Variants in BCL2L11 observed in about 807,000 individuals in gnomAD.
The protein encoded by BCL2L11 is bcl-2-like protein 11.
Under a neutral mutation model 20.6 loss-of-function variants are expected in BCL2L11, and 15 were observed. The ratio of observed to expected loss-of-function variants is 0.73; its 90% confidence interval spans 0.49 to 1.12. The LOEUF (loss-of-function observed/expected upper bound fraction) is 1.12. Among genes scored for constraint, BCL2L11 ranks in the 50% most tolerant of loss-of-function variants. BCL2L11 has a pLI of 0.00. For missense variants in BCL2L11, 292 were observed against 260.9 expected (o/e 1.12, Z -0.82); for synonymous variants, 108 against 92.8 (o/e 1.16, Z -0.94).
intron 3 of BCL2L11, chr2:111,161,612 T>C (rs2078558771): frequency 4.7e-6 from 7 of 1,485,918 alleles, no homozygotes; most frequent in Non-Finnish European, 6.3e-6. Context: ...AAATGACAGC[T>C]CCTGGCTCAG....
chr2:111,125,846 C>T (rs1446231198), intron 2 of BCL2L11, among the ~76,000 whole-genome samples: 3 of 152,168 alleles, frequency 2.0e-5, no homozygotes, highest in African/African-American at 7.2e-5. Flanking sequence ...CTCGTGAACT[C>T]ATTTCAGCCT....
At chr2:111,133,386 ACTG>A (rs1484344603) in intron 2 of BCL2L11, among the ~76,000 whole-genome samples, 2 of 151,922 alleles carry the variant, frequency 1.3e-5, no homozygotes, top group East Asian at 3.9e-4. Flanking sequence ...CCTTTCCACC[ACTG>A]CTTAGCTGCA....
chr2:111,146,112 A>G (rs551024779), intron 2 of BCL2L11: 2 of 985,266 alleles, frequency 2.0e-6, no homozygotes, highest in South Asian at 4.7e-5. Context: ...TGCCAGGTTT[A>G]TGGAGTGAAG....
At chr2:111,130,739 G>T (rs1458376985) in intron 2 of BCL2L11, among the ~76,000 whole-genome samples, 1 of 152,140 alleles carries the variant, frequency 6.6e-6, no homozygotes, top group Non-Finnish European at 1.5e-5. Context: ...GCTAAGTGTA[G>T]GTTTTATATG....
intron 3 of BCL2L11, among the ~76,000 whole-genome samples, chr2:111,155,158 G>A (rs754417949): frequency 1.3e-5 from 2 of 152,220 alleles, no homozygotes; most frequent in Non-Finnish European, 2.9e-5. Flanking sequence ...TAGTAGGCAT[G>A]GAGGGAAGAG....
intron 3 of BCL2L11, among the ~76,000 whole-genome samples, chr2:111,159,366 G>T (rs902564125): frequency 6.6e-6 from 1 of 152,230 alleles, no homozygotes; most frequent in Non-Finnish European, 1.5e-5. Flanking sequence ...CAGGGTTGTT[G>T]TGGGGACTGA....
intron 2 of BCL2L11, among the ~76,000 whole-genome samples, chr2:111,145,076 G>T (rs761323183): frequency 6.6e-6 from 1 of 152,166 alleles, no homozygotes; most frequent in South Asian, 2.1e-4. Context: ...GATTCTACTC[G>T]AGTGTTTGTA....
At chr2:111,140,869 G>A (rs976142886) in intron 2 of BCL2L11, among the ~76,000 whole-genome samples, 4 of 152,208 alleles carry the variant, frequency 2.6e-5, no homozygotes, top group Admixed American at 1.3e-4. Context: ...TGCAATATAC[G>A]AGTGCCACCA....
chr2:111,150,438 A>G (rs1354577409), intron 3 of BCL2L11, among the ~76,000 whole-genome samples: 1 of 152,256 alleles, frequency 6.6e-6, no homozygotes, highest in Non-Finnish European at 1.5e-5. Context: ...ATAGTCTAGA[A>G]ATACTATTAA....
chr2:111,131,017 G>T (rs2073841431), intron 2 of BCL2L11, among the ~76,000 whole-genome samples: 1 of 152,128 alleles, frequency 6.6e-6, no homozygotes, highest in Non-Finnish European at 1.5e-5. Context: ...TCGATATTTT[G>T]TTGAGAGTAT....
chr2:111,126,071 A>G (rs1176626199), intron 2 of BCL2L11, among the ~76,000 whole-genome samples: 3 of 152,048 alleles, frequency 2.0e-5, no homozygotes, highest in African/African-American at 4.8e-5. Context: ...TTATTAAGCT[A>G]TTTTCTCTAA....
chr2:111,122,536 A>G (rs1225235159), intron 1 of BCL2L11: 1 of 884,142 alleles, frequency 1.1e-6, no homozygotes, highest in Non-Finnish European at 1.4e-6. Context: ...TGCGGCGCGG[A>G]GCGACCGCGC....
chr2:111,136,942 G>A (rs1445599518), intron 2 of BCL2L11, among the ~76,000 whole-genome samples: 1 of 152,140 alleles, frequency 6.6e-6, no homozygotes, highest in African/African-American at 2.4e-5. Flanking sequence ...CTGTGATCCA[G>A]GCCACCTTTT....
At chr2:111,164,053 G>A in intron 3 of BCL2L11, 80 bp from the exon 4 acceptor site, 2 of 910,418 alleles carry the variant, frequency 2.2e-6, no homozygotes, top group Non-Finnish European at 3.7e-6. Context: ...GGGATTGGTT[G>A]TTCACTTAAA....
intron 2 of BCL2L11, among the ~76,000 whole-genome samples, chr2:111,140,756 A>G (rs1292514037): frequency 6.6e-6 from 1 of 152,244 alleles, no homozygotes; most frequent in Non-Finnish European, 1.5e-5. Context: ...ATACTTGATC[A>G]TAAATTCTAC....
rs1433953012 is a variant in BCL2L11, at chr2:111,167,430, C to T, written c.*3199C>T. 6.6e-6 allele frequency: 1 copy of T among 152,272 alleles called. No individual in the cohort carries two copies. Among genetic ancestry groups the T allele is most frequent in the Admixed American group, 6.5e-5 (1 of 15,288 alleles). The allele number at this position is 152,272 out of a possible 1,614,324, so 9.4% of individuals were successfully genotyped here. A position where few individuals can be genotyped will look rare whatever the true frequency, so the allele number is the denominator to read the frequency against. On this transcript the variant is annotated 3_prime_UTR_variant, in exon 4 of 4. Coordinates refer to ENST00000393256, the MANE Select transcript of BCL2L11 (RefSeq NM_138621.5). ...CAAAGCAACTAGCTTATCATGCAAG[C>T]AAATTTTGCTGACTCCAGGCTTTAT... is the stretch of plus-strand genomic sequence containing the variant.
At chr2:111,136,221 T>TGCAA (rs1480807507) in intron 2 of BCL2L11, among the ~76,000 whole-genome samples, 1 of 152,206 alleles carries the variant, frequency 6.6e-6, no homozygotes, top group Non-Finnish European at 1.5e-5. Flanking sequence ...CTACGCCTCT[T>TGCAA]GGAAAGGCCC....
At chr2:111,161,016 C>T (rs963326305) in intron 3 of BCL2L11, among the ~76,000 whole-genome samples, 1 of 152,182 alleles carries the variant, frequency 6.6e-6, no homozygotes, top group Admixed American at 6.5e-5. Flanking sequence ...GACTTAGCCT[C>T]CAGACCTGTA....
Position 111,147,362 on chromosome 2 carries a change from A to T in BCL2L11, c.395-2682A>T, listed in dbSNP as rs762553130. ...CTCTCTCTCTCACACACACACACAC[A>T]CACACACACACACACACACACACAC... On this transcript the variant is annotated intron_variant, in intron 2 of 3. Coordinates refer to ENST00000393256, the MANE Select transcript of BCL2L11 (RefSeq NM_138621.5). Among the ~76,000 whole-genome samples the T allele has an allele frequency of 1.2e-3, 169 of 140,012 alleles. 1 individual carries two copies. The highest frequency in any genetic ancestry group is 2.8e-3 in the African/African-American group (109 of 38,902). 91.9% of individuals were successfully genotyped at this position (140,012 alleles called of 152,430 possible).
Sources: gnomAD v4.1 joint callset for allele counts (sites outside exome capture counted in the v4.1 genomes callset) on GRCh38, gnomAD v4.1.1 for gene constraint, MANE v1.5 for transcripts, NCBI Gene and HGNC (gene_info 2026-07-23, HGNC 2026-07-21) for gene names.